The following NAA11 variants were observed in gnomAD, a reference collection of about 807,000 sequenced individuals.
The protein encoded by NAA11 is N-alpha-acetyltransferase 11.
Under a neutral mutation model 16.1 loss-of-function variants are expected in NAA11, and 15 were observed. The observed-to-expected ratio is 0.93, with a 90% confidence interval of 0.62 to 1.44. The LOEUF is 1.44. NAA11 is among the 40% of genes most tolerant of loss of function. The pLI is 0.00. For missense variants in NAA11, 298 were observed against 291.3 expected (o/e 1.02, Z -0.17); for synonymous variants, 122 against 112.4 (o/e 1.09, Z -0.54).
intron 2 of NAA11, among the ~76,000 whole-genome samples, chr4:79,236,258 T>C (rs1721567286): frequency 6.6e-6 from 1 of 152,154 alleles, no homozygotes; most frequent in Non-Finnish European, 1.5e-5. Context: ...TAAGTTCATA[T>C]ACATCTGTTG....
At chr4:79,228,558 T>C (rs1247351517) in intron 2 of NAA11, among the ~76,000 whole-genome samples, 2 of 142,396 alleles carry the variant, frequency 1.4e-5, no homozygotes, top group Admixed American at 1.5e-4. Flanking sequence ...ATAAATTGAA[T>C]TATATTGTAT....
At chr4:79,295,705 C>T (rs1197538027) in intron 1 of NAA11, among the ~76,000 whole-genome samples, 1 of 152,118 alleles carries the variant, frequency 6.6e-6, no homozygotes, top group East Asian at 1.9e-4. Context: ...AAATAATCTT[C>T]AATTGCAAAA....
chr4:79,193,903 G>A, the NAA11 span, among the ~76,000 whole-genome samples: 1 of 151,982 alleles, frequency 6.6e-6, no homozygotes, highest in South Asian at 2.1e-4. Flanking sequence ...TTATTTCATT[G>A]AGCAGTGGTT....
chr4:79,218,290 T>C, the NAA11 span, among the ~76,000 whole-genome samples: 1 of 152,162 alleles, frequency 6.6e-6, no homozygotes, highest in South Asian at 2.1e-4. Context: ...CCCACCTTCA[T>C]ATTCCCCATT....
intron 1 of NAA11, among the ~76,000 whole-genome samples, chr4:79,297,957 G>A (rs1723271731): frequency 6.6e-6 from 1 of 152,194 alleles, no homozygotes; most frequent in South Asian, 2.1e-4. Context: ...GCTGCCCATG[G>A]ACCAATCAGC....
At chr4:79,230,286 A>T in intron 2 of NAA11, among the ~76,000 whole-genome samples, 1 of 149,364 alleles carries the variant, frequency 6.7e-6, no homozygotes, top group South Asian at 2.2e-4. Context: ...GGGTGGGGGG[A>T]GAGGGGAGGG....
chr4:79,228,133 C>T (rs1578151119), intron 2 of NAA11, among the ~76,000 whole-genome samples: 2 of 151,860 alleles, frequency 1.3e-5, no homozygotes, highest in South Asian at 4.1e-4. Flanking sequence ...TGGCTGCCCT[C>T]TCATTTAATT....
chr4:79,291,485 T>C (rs922738852), intron 2 of NAA11, among the ~76,000 whole-genome samples: 21 of 151,776 alleles, frequency 1.4e-4, no homozygotes, highest in African/African-American at 5.1e-4. Flanking sequence ...AAAAAAGAAT[T>C]GGGCCGGGCC....
chr4:79,198,200 G>A, the NAA11 span, among the ~76,000 whole-genome samples: 1 of 151,826 alleles, frequency 6.6e-6, no homozygotes, highest in Non-Finnish European at 1.5e-5. Context: ...GAAATAAAGA[G>A]GGACTCATTT....
At chr4:79,314,781 A>T (rs910089698), downstream of NAA11, among the ~76,000 whole-genome samples, 2 of 152,080 alleles carry the variant, frequency 1.3e-5, no homozygotes, top group Non-Finnish European at 2.9e-5. Context: ...TTAGAAGTGA[A>T]ACTTTTAAAA....
At chr4:79,188,595 A>G in the NAA11 span, among the ~76,000 whole-genome samples, 1 of 113,582 alleles carries the variant, frequency 8.8e-6, no homozygotes, top group Non-Finnish European at 1.9e-5. Context: ...AAAAAAAAAG[A>G]AAAAAAAAAA....
chr4:79,204,797 G>A, the NAA11 span, among the ~76,000 whole-genome samples: 1 of 151,748 alleles, frequency 6.6e-6, no homozygotes, highest in African/African-American at 2.4e-5. Context: ...CCATTTATAA[G>A]AAAGAACATG....
chr4:79,272,772 C>T (rs1386292411), intron 2 of NAA11, among the ~76,000 whole-genome samples: 1 of 151,886 alleles, frequency 6.6e-6, no homozygotes, highest in African/African-American at 2.4e-5. Context: ...TTTTCCGATG[C>T]TCACATTCTG....
intron 2 of NAA11, among the ~76,000 whole-genome samples, chr4:79,267,381 A>G (rs1182360245): frequency 6.6e-6 from 1 of 152,186 alleles, no homozygotes; most frequent in Non-Finnish European, 1.5e-5. Context: ...TTAGCAGTAC[A>G]ATTCTAAAAA....
At chr4:79,308,709 A>G (rs1723664873) in intron 1 of NAA11, 1 of 152,078 alleles carries the variant, frequency 6.6e-6, no homozygotes, top group African/African-American at 2.4e-5. Flanking sequence ...CCCCCAATCT[A>G]TATTACTTCA....
At chr4:79,184,145 A>G in the NAA11 span, among the ~76,000 whole-genome samples, 1 of 152,336 alleles carries the variant, frequency 6.6e-6, no homozygotes, top group East Asian at 1.9e-4. Flanking sequence ...TAATGTCTAC[A>G]GAACACTTTT....
intron 2 of NAA11, among the ~76,000 whole-genome samples, chr4:79,277,622 TACCTGCTCCACCCTGACTCATTCCAATC>T (rs1375381451): frequency 2.8e-4 from 42 of 152,138 alleles, no homozygotes; most frequent in Admixed American, 2.7e-3. Context: ...TCATTCTGAT[TACCTGCTCCACCCTGACTCATTCCAATC>T]ACCTGCTCCA....
chr4:79,212,920 C>T, the NAA11 span, among the ~76,000 whole-genome samples: 3 of 152,012 alleles, frequency 2.0e-5, no homozygotes, highest in South Asian at 6.2e-4. Context: ...TGTATAGTGT[C>T]ATTTTGTCCA....
chr4:79,165,302 T>A, the NAA11 span, among the ~76,000 whole-genome samples: 3 of 152,140 alleles, frequency 2.0e-5, no homozygotes, highest in Non-Finnish European at 2.9e-5. Context: ...AGACCTGCAA[T>A]GAGAAGTGAT....
Sources: allele counts gnomAD v4.1 joint callset (sites outside exome capture counted in the v4.1 genomes callset), GRCh38; gene constraint gnomAD v4.1.1; transcripts MANE v1.5; gene names NCBI Gene and HGNC (gene_info 2026-07-23, HGNC 2026-07-21).